KIRREL3: variants seen among roughly 807,000 people sequenced by gnomAD.
KIRREL3 encodes kirre like nephrin family adhesion molecule 3.
A neutral mutation model predicts 89.7 loss-of-function variants in KIRREL3; 36 were observed. The ratio of observed to expected loss-of-function variants is 0.40; its 90% CI spans 0.31 to 0.53. KIRREL3 has a LOEUF of 0.53. Ranked by LOEUF, KIRREL3 falls within the 20% of genes least tolerant of loss-of-function variation. The probability of loss-of-function intolerance (pLI) is 0.49; values close to 1 mark genes in which losing one functional copy is unlikely to be tolerated. For missense variants in KIRREL3, 864 were observed against 1,056.6 expected (o/e 0.82, Z 2.53); for synonymous variants, 445 against 441.4 (o/e 1.01, Z -0.10).
At chr11:126,425,116 G>T in intron 16 of KIRREL3, 93 bp from the exon 17 acceptor site, 3 of 1,207,112 alleles carry the variant, frequency 2.5e-6, no homozygotes, top group Non-Finnish European at 3.4e-6. Context: ...CTTATGCGGG[G>T]AGGGAAGAGG....
chr11:126,439,443 C>T (rs555729551), intron 11 of KIRREL3, among the ~76,000 whole-genome samples: 1 of 150,254 alleles, frequency 6.7e-6, no homozygotes, highest in East Asian at 2.1e-4. Context: ...TGGGCTCAGT[C>T]GATCTTCCCA....
In KIRREL3 at chr11:126,764,404, G is replaced by T. The variant is rs947582055; in HGVS notation, c.56-201492C>A. ...GGAAGCTACACATTTCTGTCCTAGA[G>T]ATAGGTGGCAGTGTGGATTCAGGGC... is the stretch of plus-strand genomic sequence containing the variant. On this transcript the variant is annotated intron_variant, in intron 1 of 16. Transcript: ENST00000525144. The surrounding 1 kb of genome is among the most constrained non-coding windows in gnomAD (Gnocchi z 4.2). 1.3e-5 allele frequency among the ~76,000 whole-genome samples: 2 copies of T among 152,182 alleles called. No individual in the cohort carries two copies. Among genetic ancestry groups the T allele is most frequent in the African/African-American group, 4.8e-5 (2 of 41,452 alleles).
At position 126,424,384 on chromosome 11, in the gene KIRREL3, C is replaced by CAGG; in HGVS notation, c.*195_*196insCCT. On this transcript the variant is annotated 3_prime_UTR_variant, in exon 17 of 17. Coordinates refer to ENST00000525144, the MANE Select transcript of KIRREL3 (RefSeq NM_032531.4). Reference sequence around the variant, plus strand: ...CTCTGTCTGTCTCCCCACCCGCCCACCTCTGGCACACAGCACCTGGGGACC... The same window carrying CAGG: ...CTCTGTCTGTCTCCCCACCCGCCCACAGGCTCTGGCACACAGCACCTGGGGACC... The CAGG allele has an allele frequency of 4.2e-6, 2 of 481,368 alleles. No homozygotes were observed. The highest frequency in any genetic ancestry group is 7.7e-6 in the Non-Finnish European group (2 of 260,974). The allele number at this position is 481,368 out of a possible 1,614,324, so 29.8% of individuals were successfully genotyped here. A position where few individuals can be genotyped will look rare whatever the true frequency, so the allele number is the denominator to read the frequency against.
intron 1 of KIRREL3, among the ~76,000 whole-genome samples, chr11:126,619,932 C>A (rs531679407): frequency 1.1e-4 from 17 of 152,336 alleles, no homozygotes; most frequent in African/African-American, 4.1e-4. Context: ...CTTCATTCCT[C>A]ACTTCTTGAC....
At chr11:126,567,099 C>T (rs866133861) in intron 1 of KIRREL3, among the ~76,000 whole-genome samples, 1 of 152,160 alleles carries the variant, frequency 6.6e-6, no homozygotes, top group Non-Finnish European at 1.5e-5. Context: ...TGCTATAGGT[C>T]GAATTCCTCA....
intron 4 of KIRREL3, among the ~76,000 whole-genome samples, chr11:126,488,294 G>A (rs527668721): frequency 1.3e-5 from 2 of 152,386 alleles, no homozygotes; most frequent in Admixed American, 1.3e-4. Flanking sequence ...GGCAGGTGAA[G>A]AAAGGGCACA....
At chr11:126,731,424 C>T (rs192744614) in intron 1 of KIRREL3, among the ~76,000 whole-genome samples, 1 of 152,324 alleles carries the variant, frequency 6.6e-6, no homozygotes, top group Non-Finnish European at 1.5e-5. Flanking sequence ...AATACCATTT[C>T]CTGGACAAAG....
Position 126,996,837 on chromosome 11 carries a change from G to T in KIRREL3, c.55+3618C>A, listed in dbSNP as rs991359840. 3.3e-5 allele frequency among the ~76,000 whole-genome samples: 5 copies of T among 152,230 alleles called. No individual in the cohort carries two copies. Among genetic ancestry groups the T allele is most frequent in the Non-Finnish European group, 7.3e-5 (5 of 68,042 alleles). On this transcript the variant is annotated intron_variant, in intron 1 of 16. Coordinates refer to ENST00000525144, the MANE Select transcript of KIRREL3 (RefSeq NM_032531.4). The surrounding 1 kb of genome is among the most constrained non-coding windows in gnomAD (Gnocchi z 4.7). ...CAATACAGTACAGTGTGCATGCAAAGCCAAAAGATCTGGGTTCAGCAGAAT... is the reference window on the plus strand; with the variant it reads ...CAATACAGTACAGTGTGCATGCAAATCCAAAAGATCTGGGTTCAGCAGAAT...
At position 126,776,418 on chromosome 11, in the gene KIRREL3, G is replaced by A. The variant is rs897850720; in HGVS notation, c.56-213506C>T. ...CCAGTTTCCCATTGGTAAATGTGCTGATGCCTCCTTCTCAGGGTGGCTGTG... is the reference window on the plus strand; with the variant it reads ...CCAGTTTCCCATTGGTAAATGTGCTAATGCCTCCTTCTCAGGGTGGCTGTG... On this transcript the variant is annotated intron_variant, in intron 1 of 16. Coordinates refer to ENST00000525144, the MANE Select transcript of KIRREL3 (RefSeq NM_032531.4). This position sits in a 1 kb window ranked among gnomAD's most constrained non-coding sequence, Gnocchi z 4.7. 2.0e-5 allele frequency among the ~76,000 whole-genome samples: 3 copies of A among 152,268 alleles called. No individual in the cohort carries two copies. The highest frequency in any genetic ancestry group is 7.2e-5 in the African/African-American group (3 of 41,566).
intron 1 of KIRREL3, among the ~76,000 whole-genome samples, chr11:126,818,697 A>G (rs1258864914): frequency 6.6e-6 from 1 of 151,992 alleles, no homozygotes; most frequent in Non-Finnish European, 1.5e-5. Context: ...AGTTTAGAAA[A>G]TACTACAGAA....
chr11:126,894,121 G>A (rs1946042526), intron 1 of KIRREL3, among the ~76,000 whole-genome samples: 1 of 152,186 alleles, frequency 6.6e-6, no homozygotes, highest in Admixed American at 6.5e-5. Flanking sequence ...CCCCCAGGGT[G>A]GTGTGGGTTT....
At position 126,896,397 on chromosome 11, in the gene KIRREL3, G is replaced by A. The variant is rs1325434910; in HGVS notation, c.55+104058C>T. Reference sequence around the variant, plus strand: ...CTCTCCACATTTGACCTTGGTCTCTGAGATGCTCTTTGTGGCTCTCCTGTA... The same window carrying A: ...CTCTCCACATTTGACCTTGGTCTCTAAGATGCTCTTTGTGGCTCTCCTGTA... On this transcript the variant is annotated intron_variant, in intron 1 of 16. Coordinates refer to ENST00000525144, the MANE Select transcript of KIRREL3 (RefSeq NM_032531.4). This position sits in a 1 kb window ranked among gnomAD's most constrained non-coding sequence, Gnocchi z 4.1. Among the ~76,000 whole-genome samples, 1 of 152,238 alleles carries A rather than the reference G, an allele frequency of 6.6e-6. No homozygotes were observed. Among genetic ancestry groups the A allele is most frequent in the East Asian group, 1.9e-4 (1 of 5,202 alleles).
chr11:126,552,557 T>A (rs1052674369), intron 2 of KIRREL3, among the ~76,000 whole-genome samples: 16 of 74,582 alleles, frequency 2.1e-4, no homozygotes, highest in African/African-American at 9.4e-4. Flanking sequence ...AAAGTTTTTT[T>A]TTTTTTTTTT....
chr11:126,477,360 C>G lies in KIRREL3; in HGVS notation c.434-3894G>C, dbSNP rs1398097056. On this transcript the variant is annotated intron_variant, in intron 4 of 16. Coordinates refer to ENST00000525144, the MANE Select transcript of KIRREL3 (RefSeq NM_032531.4). This position sits in a 1 kb window ranked among gnomAD's most constrained non-coding sequence, Gnocchi z 4.8. ...GCGGTGGGGGTACCCGTCCCTTTCC[C>G]TGTGTGTGGGAGGGAGCCCCCAAAA... Among the ~76,000 whole-genome samples, 1 of 152,154 alleles carries G rather than the reference C, an allele frequency of 6.6e-6. No homozygotes were observed. Among genetic ancestry groups the G allele is most frequent in the Admixed American group, 6.5e-5 (1 of 15,284 alleles).
chr11:126,820,965 G>T (rs1035224993), intron 1 of KIRREL3, among the ~76,000 whole-genome samples: 1 of 152,100 alleles, frequency 6.6e-6, no homozygotes, highest in Admixed American at 6.5e-5. Context: ...TGTGTTTCGA[G>T]CTTACTAGGT....
Position 126,431,274 on chromosome 11 carries a change from A to G in KIRREL3, c.1696+145T>C. On this transcript the variant is annotated intron_variant, in intron 14 of 16. Coordinates refer to ENST00000525144, the MANE Select transcript of KIRREL3 (RefSeq NM_032531.4). The surrounding 1 kb of genome is among the most constrained non-coding windows in gnomAD (Gnocchi z 7.1). ...TGCCCAGGCTCACATACACCGATGC[A>G]TCAGACCCACTCCCTGCCCCAGGAG... is the stretch of plus-strand genomic sequence containing the variant. The G allele has an allele frequency of 6.5e-7, 1 of 1,548,480 alleles. No individual in the cohort carries two copies. Among genetic ancestry groups the G allele is most frequent in the Non-Finnish European group, 8.7e-7 (1 of 1,144,810 alleles).
intron 1 of KIRREL3, among the ~76,000 whole-genome samples, chr11:126,859,117 G>T (rs1291482607): frequency 6.6e-6 from 1 of 152,178 alleles, no homozygotes; most frequent in Non-Finnish European, 1.5e-5. Flanking sequence ...TACCTTGCAG[G>T]TAGAGCCTTA....
At chr11:126,765,774 G>T (rs1474642276) in intron 1 of KIRREL3, among the ~76,000 whole-genome samples, 1 of 152,158 alleles carries the variant, frequency 6.6e-6, no homozygotes, top group Non-Finnish European at 1.5e-5. Context: ...CGGATTAATT[G>T]TTCCTGGCTC....
chr11:126,691,102 T>C (rs2135132180), intron 1 of KIRREL3, among the ~76,000 whole-genome samples: 1 of 152,294 alleles, frequency 6.6e-6, no homozygotes, highest in African/African-American at 2.4e-5. Flanking sequence ...GAGATACCAA[T>C]CTCACCCACT....
Sources: allele counts gnomAD v4.1 joint callset (sites outside exome capture counted in the v4.1 genomes callset), GRCh38; gene constraint gnomAD v4.1.1; non-coding constraint Gnocchi (gnomAD v3.1); transcripts MANE v1.5; gene names NCBI Gene and HGNC (gene_info 2026-07-23, HGNC 2026-07-21).